The following ZBTB38 variants were observed in gnomAD, a reference collection of about 807,000 sequenced individuals.
ZBTB38 encodes the protein zinc finger and BTB domain containing 38.
Under a neutral mutation model 76.8 loss-of-function variants are expected in ZBTB38, and 20 were observed. The observed-to-expected ratio is 0.26, with a 90% confidence interval of 0.18 to 0.38. The LOEUF (loss-of-function observed/expected upper bound fraction) is 0.38. Ranked by LOEUF, ZBTB38 falls within the 10% of genes least tolerant of loss-of-function variation. The pLI, the probability that ZBTB38 is intolerant of heterozygous loss-of-function variation, is 1.00. For missense variants in ZBTB38, 1,082 were observed against 1,482.3 expected (o/e 0.73, Z 4.43); for synonymous variants, 504 against 544.2 (o/e 0.93, Z 1.03).
chr3:141,340,927 A>AAAGAAAAGAAAAGAAAAGAAAAGAAAAG (rs1553760058), intron 1 of ZBTB38, among the ~76,000 whole-genome samples: 26 of 102,114 alleles, frequency 2.5e-4, no homozygotes, highest in African/African-American at 9.1e-4. Context: ...AAGGAAAGGA[A>AAAGAAAAGAAAAGAAAAGAAAAGAAAAG]AAAAGAAAAG....
Position 141,385,539 on chromosome 3 carries a change from G to T in ZBTB38, c.-171-1333G>T, listed in dbSNP as rs79676404. Reference sequence around the variant, plus strand: ...TTGGGGACCTGGTGACACTGGTTTTGCAGCAAAACCGTATTTGCTTATTAG... The same window carrying T: ...TTGGGGACCTGGTGACACTGGTTTTTCAGCAAAACCGTATTTGCTTATTAG... On this transcript the variant is annotated intron_variant, in intron 3 of 5. Coordinates refer to ENST00000321464, the MANE Select transcript of ZBTB38 (RefSeq NM_001376113.1). 6.0e-3 allele frequency among the ~76,000 whole-genome samples: 915 copies of T among 152,108 alleles called. 13 individuals are homozygous for T. The highest frequency in any genetic ancestry group is 0.021 in the African/African-American group (883 of 41,476).
At chr3:141,357,231 C>CT (rs530019345) in intron 1 of ZBTB38, among the ~76,000 whole-genome samples, 6 of 152,128 alleles carry the variant, frequency 3.9e-5, no homozygotes, top group Admixed American at 2.6e-4. Context: ...CTATGACTTA[C>CT]TTTTTTTTCT....
chr3:141,326,071 A>G (rs975845334), intron 1 of ZBTB38, among the ~76,000 whole-genome samples: 6 of 152,230 alleles, frequency 3.9e-5, no homozygotes, highest in African/African-American at 1.4e-4. Flanking sequence ...TTGCTATCTA[A>G]AATCATCTCG....
chr3:141,385,640 C>A (rs1337980973), intron 3 of ZBTB38, among the ~76,000 whole-genome samples: 1 of 129,776 alleles, frequency 7.7e-6, no homozygotes, highest in Non-Finnish European at 1.6e-5. Flanking sequence ...CATTGCAATT[C>A]GAGCTTTGAG....
intron 5 of ZBTB38, among the ~76,000 whole-genome samples, chr3:141,441,562 G>A (rs1156812523): frequency 6.6e-6 from 1 of 152,200 alleles, no homozygotes. Flanking sequence ...AGGCGGGGGT[G>A]CCCCTGGTGG....
intron 1 of ZBTB38, among the ~76,000 whole-genome samples, chr3:141,346,782 T>TTTTGTGTGTGTGTGTGTGTGTG (rs150173767): frequency 3.5e-5 from 5 of 144,684 alleles, no homozygotes; most frequent in South Asian, 2.2e-4. Flanking sequence ...TTGTTTTGTT[T>TTTTGTGTGTGTGTGTGTGTGTG]TGTGTGTGTG....
Position 141,445,054 on chromosome 3 carries a change from T to C in ZBTB38, c.2666T>C (p.Leu889Pro). 2.5e-6 allele frequency: 4 copies of C among 1,614,154 alleles called. No homozygotes were observed. The highest frequency in any genetic ancestry group is 3.4e-6 in the Non-Finnish European group (4 of 1,180,028). Residue 889 changes from leucine (L) to proline (P), a missense_variant, in exon 6 of 6, where the codon CTC becomes CCC. Around this residue, in one of 8 missense-constraint regions of ZBTB38, gnomAD observed 471 missense variants for 581.0 expected, o/e 0.81. Coordinates refer to ENST00000321464, the MANE Select transcript of ZBTB38 (RefSeq NM_001376113.1). The surrounding 1 kb of genome is among the most constrained non-coding windows in gnomAD (Gnocchi z 6.5). ...CCAGAACCCAGTGGAGACAGCCCACTCGGGCTTTGCCAATCCGAGTGCATG... is the reference window on the plus strand; with the variant it reads ...CCAGAACCCAGTGGAGACAGCCCACCCGGGCTTTGCCAATCCGAGTGCATG... ...NDPEPSGDSPLGLCQSECMEM... is the reference protein window; with the variant it reads ...NDPEPSGDSPPGLCQSECMEM...
At position 141,413,229 on chromosome 3, in the gene ZBTB38, T is replaced by C. The variant is rs1023561782; in HGVS notation, c.-1+9198T>C. 2.6e-5 allele frequency among the ~76,000 whole-genome samples: 4 copies of C among 152,140 alleles called. No individual in the cohort carries two copies. Among genetic ancestry groups the C allele is most frequent in the African/African-American group, 7.2e-5 (3 of 41,416 alleles). On this transcript the variant is annotated intron_variant, in intron 5 of 5. Transcript: ENST00000321464. This position sits in a 1 kb window ranked among gnomAD's most constrained non-coding sequence, Gnocchi z 4.1. ...CCTGGAGCCAGGTGTCTGTTGACAG[T>C]GGGGAGGAGGTGGGGAAGACCCAGC...
In ZBTB38 at chr3:141,449,233, G is replaced by A. The variant is rs372418966; in HGVS notation, c.*3257G>A. 1 of 152,154 alleles carries A rather than the reference G, an allele frequency of 6.6e-6. No individual in the cohort carries two copies. The highest frequency in any genetic ancestry group is 1.5e-5 in the Non-Finnish European group (1 of 68,034). The allele number at this position is 152,154 out of a possible 1,614,324, so 9.4% of individuals were successfully genotyped here. Reference sequence around the variant, plus strand: ...AAAAATCATTTATAGAAACTGAACAGAGTATGAGGAAAGGAGATATGATAA... The same window carrying A: ...AAAAATCATTTATAGAAACTGAACAAAGTATGAGGAAAGGAGATATGATAA... On this transcript the variant is annotated 3_prime_UTR_variant, in exon 6 of 6. Transcript: ENST00000321464.
intron 4 of ZBTB38, among the ~76,000 whole-genome samples, chr3:141,398,173 G>T (rs1048722802): frequency 6.6e-6 from 1 of 152,222 alleles, no homozygotes; most frequent in Non-Finnish European, 1.5e-5. Flanking sequence ...GGGACCAAAT[G>T]GGTTTTGCAG....
intron 5 of ZBTB38, among the ~76,000 whole-genome samples, chr3:141,404,620 C>T (rs1256107673): frequency 6.6e-6 from 1 of 152,106 alleles, no homozygotes; most frequent in Non-Finnish European, 1.5e-5. Context: ...TACCATTTGT[C>T]GAGCATTTGT....
chr3:141,360,555 T>C (rs1197630312), intron 1 of ZBTB38, among the ~76,000 whole-genome samples: 2 of 152,222 alleles, frequency 1.3e-5, no homozygotes, highest in Admixed American at 1.3e-4. Context: ...ACATGTATTA[T>C]TTTTGAATCA....
upstream of ZBTB38, among the ~76,000 whole-genome samples, chr3:141,364,902 G>A (rs935620351): frequency 5.9e-5 from 9 of 152,108 alleles, no homozygotes; most frequent in Admixed American, 4.6e-4. Context: ...CAGCATTGGT[G>A]AGGATGTGGG....
chr3:141,426,500 AT>A (rs2076418531), intron 5 of ZBTB38, among the ~76,000 whole-genome samples: 1 of 152,160 alleles, frequency 6.6e-6, no homozygotes, highest in Non-Finnish European at 1.5e-5. Context: ...CCGTCTCCAG[AT>A]TAGCTCCTTA....
intron 5 of ZBTB38, among the ~76,000 whole-genome samples, chr3:141,435,285 G>T (rs1295232157): frequency 1.3e-5 from 2 of 152,154 alleles, no homozygotes; most frequent in African/African-American, 4.8e-5. Flanking sequence ...CCTGGCATTA[G>T]TCTTACCTCC....
chr3:141,331,382 G>A (rs1296464876), intron 1 of ZBTB38, among the ~76,000 whole-genome samples: 1 of 152,220 alleles, frequency 6.6e-6, no homozygotes, highest in East Asian at 1.9e-4. Context: ...GACAGAGACA[G>A]AGCTGGCTAG....
At chr3:141,388,305 G>A (rs902166757) in intron 4 of ZBTB38, 3 of 151,988 alleles carry the variant, frequency 2.0e-5, no homozygotes, top group Non-Finnish European at 4.4e-5. Flanking sequence ...GTCTTTAAAC[G>A]TGTTTATGAA....
intron 5 of ZBTB38, among the ~76,000 whole-genome samples, chr3:141,422,604 A>G (rs915664237): frequency 6.6e-6 from 1 of 152,154 alleles, no homozygotes; most frequent in African/African-American, 2.4e-5. Context: ...GATTTGCTCA[A>G]TCTCTTTACT....
intron 2 of ZBTB38, among the ~76,000 whole-genome samples, chr3:141,371,045 C>CTTTCCTTTTTTTTT (rs1944498561): frequency 1.4e-5 from 1 of 72,006 alleles, no homozygotes; most frequent in African/African-American, 7.8e-5. Context: ...TTCTTTCTTT[C>CTTTCCTTTTTTTTT]TTTTTTTTTT....
Sources: gnomAD v4.1 joint callset for allele counts (sites outside exome capture counted in the v4.1 genomes callset) on GRCh38, gnomAD v4.1.1 for gene constraint, gnomAD v4.1.1 regional missense constraint, Gnocchi (gnomAD v3.1) non-coding constraint, MANE v1.5 for transcripts, NCBI Gene and HGNC (gene_info 2026-07-23, HGNC 2026-07-21) for gene names.